WWOX: variants seen among roughly 807,000 people sequenced by gnomAD.
WWOX encodes WW domain containing oxidoreductase, also known as WW domain-containing oxidoreductase.
Under a neutral mutation model 46.2 loss-of-function variants are expected in WWOX, and 69 were observed. That is an observed-to-expected ratio of 1.49 (90% CI 1.23 to 1.82). The LOEUF (loss-of-function observed/expected upper bound fraction) is 1.82. WWOX is among the 40% of genes most tolerant of loss of function. WWOX has a pLI of 0.00. For synonymous variants in WWOX, 359 were observed against 202.6 expected (o/e 1.77, Z -6.56); for missense variants, 919 against 542.6 (o/e 1.69, Z -6.89).
chr16:78,203,889 G>T (rs1255111617), intron 5 of WWOX, among the ~76,000 whole-genome samples: 1 of 152,214 alleles, frequency 6.6e-6, no homozygotes, highest in African/African-American at 2.4e-5. Context: ...CCCTGTGCAT[G>T]GCTTTTGAGA....
chr16:78,144,825 G>T (rs537384152), intron 4 of WWOX, among the ~76,000 whole-genome samples: 3 of 151,708 alleles, frequency 2.0e-5, no homozygotes, highest in Non-Finnish European at 4.4e-5. Flanking sequence ...CTGGCCTGCC[G>T]TTACTTTTAA....
chr16:78,528,165 ATTTTTT>A (rs56803717), intron 8 of WWOX, among the ~76,000 whole-genome samples: 50 of 58,396 alleles, frequency 8.6e-4, no homozygotes, highest in Non-Finnish European at 9.0e-4. Context: ...CACCTGGCTA[ATTTTTT>A]TTTTTTTTTT....
At chr16:78,129,167 C>A (rs746513160) in intron 4 of WWOX, among the ~76,000 whole-genome samples, 6 of 152,106 alleles carry the variant, frequency 3.9e-5, no homozygotes, top group Non-Finnish European at 7.3e-5. Context: ...CGCCACTTGC[C>A]CAGTGTTTCT....
chr16:78,954,736 A>G (rs777751355), intron 8 of WWOX, among the ~76,000 whole-genome samples: 131 of 152,288 alleles, frequency 8.6e-4, no homozygotes, highest in Non-Finnish European at 1.2e-3. Context: ...AAAATTATAT[A>G]AAGTGCTATG....
At chr16:78,614,106 T>A (rs2045963511) in intron 8 of WWOX, among the ~76,000 whole-genome samples, 2 of 152,220 alleles carry the variant, frequency 1.3e-5, no homozygotes, top group Non-Finnish European at 2.9e-5. Context: ...TAGCACCTTG[T>A]AATTAAGCAC....
chr16:78,583,121 C>T (rs149862080), intron 8 of WWOX, among the ~76,000 whole-genome samples: 18 of 152,270 alleles, frequency 1.2e-4, no homozygotes, highest in South Asian at 4.1e-4. Flanking sequence ...CTTTTGTTTT[C>T]GAAGCCTTTG....
intron 1 of WWOX, among the ~76,000 whole-genome samples, chr16:78,104,807 C>T (rs1473519050): frequency 6.6e-6 from 1 of 152,084 alleles, no homozygotes; most frequent in Non-Finnish European, 1.5e-5. Context: ...TTGAAAGGTA[C>T]AGTTCTTAGT....
intron 8 of WWOX, among the ~76,000 whole-genome samples, chr16:78,620,890 A>G (rs981793885): frequency 2.0e-5 from 3 of 152,094 alleles, no homozygotes; most frequent in African/African-American, 2.4e-5. Context: ...TATTGCGTAT[A>G]TTTGGTTGGA....
intron 8 of WWOX, among the ~76,000 whole-genome samples, chr16:78,814,880 C>T (rs1171101955): frequency 6.6e-6 from 1 of 152,188 alleles, no homozygotes; most frequent in East Asian, 1.9e-4. Flanking sequence ...GTCTGTGCAC[C>T]AGCTACCTTT....
intron 8 of WWOX, chr16:78,496,407 T>G (rs1470737857): frequency 1.3e-5 from 2 of 152,226 alleles, no homozygotes; most frequent in Non-Finnish European, 2.9e-5. Flanking sequence ...TTGACCTTAT[T>G]GGAGAATTTC....
At chr16:78,227,125 A>G (rs932931512) in intron 5 of WWOX, among the ~76,000 whole-genome samples, 21 of 152,194 alleles carry the variant, frequency 1.4e-4, no homozygotes, top group Non-Finnish European at 2.5e-4. Flanking sequence ...GCGGGCTCGC[A>G]ATATTACCAC....
intron 8 of WWOX, among the ~76,000 whole-genome samples, chr16:78,574,574 T>A (rs1005148822): frequency 2.0e-5 from 3 of 152,146 alleles, no homozygotes; most frequent in Non-Finnish European, 2.9e-5. Flanking sequence ...ACCTGTGTTG[T>A]CACAAATGGC....
At chr16:78,556,099 T>G (rs1272465144) in intron 8 of WWOX, among the ~76,000 whole-genome samples, 5 of 151,966 alleles carry the variant, frequency 3.3e-5, no homozygotes, top group Non-Finnish European at 7.4e-5. Flanking sequence ...GTTCCATAGG[T>G]ACCTAGAGGG....
intron 8 of WWOX, among the ~76,000 whole-genome samples, chr16:78,856,950 G>A (rs2052581125): frequency 6.6e-6 from 1 of 152,154 alleles, no homozygotes; most frequent in Admixed American, 6.5e-5. Flanking sequence ...CTCCCTGGCA[G>A]CAAACATGTA....
chr16:78,583,043 A>G lies in WWOX; in HGVS notation c.1056+150291A>G, dbSNP rs79729941. 4.8e-3 allele frequency among the ~76,000 whole-genome samples: 726 copies of G among 152,356 alleles called. 5 individuals are homozygous for G. The highest frequency in any genetic ancestry group is 0.017 in the African/African-American group (688 of 41,582). On this transcript the variant is annotated intron_variant, in intron 8 of 8. Coordinates refer to ENST00000566780, the MANE Select transcript of WWOX (RefSeq NM_016373.4). ...AAGAGACCTAGGAATTCACAGAGTG[A>G]AGATGATTTCTCCATTCCCTTCTCC...
At chr16:78,997,222 C>T (rs960739617) in intron 8 of WWOX, among the ~76,000 whole-genome samples, 1 of 152,076 alleles carries the variant, frequency 6.6e-6, no homozygotes, top group African/African-American at 2.4e-5. Context: ...TCAAAGCAAA[C>T]TGAAATAAAA....
At position 78,594,366 on chromosome 16, in the gene WWOX, G is replaced by T. The variant is rs867217340; in HGVS notation, c.1056+161614G>T. 3.5e-4 allele frequency among the ~76,000 whole-genome samples: 50 copies of T among 142,084 alleles called. 1 individual carries two copies. The highest frequency in any genetic ancestry group is 1.3e-3 in the African/African-American group (49 of 38,298). 93.2% of individuals were successfully genotyped at this position (142,084 alleles called of 152,430 possible). On this transcript the variant is annotated intron_variant, in intron 8 of 8. Transcript: ENST00000566780. Reference sequence around the variant, plus strand: ...CCAATCCGCTCATATTCTTGCATTTGCTGCAGCAAAACCTGACCTCTCTTT... The same window carrying T: ...CCAATCCGCTCATATTCTTGCATTTTCTGCAGCAAAACCTGACCTCTCTTT...
intron 8 of WWOX, among the ~76,000 whole-genome samples, chr16:78,583,368 C>A (rs750592349): frequency 6.6e-6 from 1 of 152,100 alleles, no homozygotes; most frequent in African/African-American, 2.4e-5. Context: ...CTTCATGTAC[C>A]CATTCTAGAA....
At chr16:78,205,898 TTCC>T (rs949438482) in intron 5 of WWOX, among the ~76,000 whole-genome samples, 3 of 151,656 alleles carry the variant, frequency 2.0e-5, no homozygotes, top group Non-Finnish European at 2.9e-5. Flanking sequence ...CCTCCCTTCC[TTCC>T]TCCTGTCTTC....
Sources: allele counts gnomAD v4.1 joint callset (sites outside exome capture counted in the v4.1 genomes callset), GRCh38; gene constraint gnomAD v4.1.1; transcripts MANE v1.5; gene names NCBI Gene and HGNC (gene_info 2026-07-23, HGNC 2026-07-21).